USP45: variants seen among roughly 807,000 people sequenced by gnomAD.
USP45 encodes ubiquitin specific peptidase 45, also known as ubiquitin carboxyl-terminal hydrolase 45.
USP45 carries 89 observed loss-of-function variants against 95.8 expected under a neutral mutation model. The observed-to-expected ratio is 0.93, with a 90% CI of 0.78 to 1.11. USP45 has a LOEUF of 1.11. Among genes scored for constraint, USP45 ranks in the 50% least tolerant of loss-of-function variants. USP45 has a pLI of 0.00. For synonymous variants in USP45, 281 were observed against 316.2 expected, an observed-to-expected ratio of 0.89 and a Z score of 1.18; for missense variants, 898 against 942.5, an observed-to-expected ratio of 0.95 and a Z score of 0.62.
intron 4 of USP45, among the ~76,000 whole-genome samples, chr6:99,506,937 G>T (rs924290504): frequency 1.3e-5 from 2 of 152,212 alleles, no homozygotes; most frequent in Non-Finnish European, 2.9e-5. Flanking sequence ...TGGGCGCAGT[G>T]GCTCACGCCT....
At chr6:99,440,695 T>C (rs913258451) in intron 15 of USP45, among the ~76,000 whole-genome samples, 3 of 151,998 alleles carry the variant, frequency 2.0e-5, no homozygotes, top group Admixed American at 1.3e-4. Context: ...AAAAAACCCT[T>C]TTTTTTTGCC....
At chr6:99,482,730 A>G (rs758646704) in intron 8 of USP45, 23 bp downstream of exon 8, 2 of 1,567,614 alleles carry the variant, frequency 1.3e-6, no homozygotes, top group South Asian at 2.4e-5. Context: ...ATAATTATTT[A>G]TATTAAATGT....
chr6:99,474,982 T>G (rs115530882), intron 9 of USP45, among the ~76,000 whole-genome samples: 1 of 152,200 alleles, frequency 6.6e-6, no homozygotes, highest in African/African-American at 2.4e-5. Context: ...CTATTCCTTT[T>G]CTGAGAAATG....
At chr6:99,515,996 C>G (rs896684064), upstream of USP45, among the ~76,000 whole-genome samples, 1 of 152,138 alleles carries the variant, frequency 6.6e-6, no homozygotes, top group African/African-American at 2.4e-5. Flanking sequence ...CCAGGATGGT[C>G]TCGATCTCCT....
Position 99,432,902 on chromosome 6 carries a change from T to C in USP45, c.*2814A>G, listed in dbSNP as rs962893403. The C allele has an allele frequency of 5.2e-5, 8 of 152,668 alleles. No individual in the cohort carries two copies. The highest frequency in any genetic ancestry group is 8.8e-5 in the Non-Finnish European group (6 of 68,038). 9.5% of individuals were successfully genotyped at this position (152,668 alleles called of 1,614,324 possible). On this transcript the variant is annotated 3_prime_UTR_variant, in exon 18 of 18. Coordinates refer to ENST00000500704, the MANE Select transcript of USP45 (RefSeq NM_001346022.3). Reference sequence around the variant, plus strand: ...GATTAAAATCATCACACATGGAAGCTAAGAACTATTAAATACAGTAAAATA... The same window carrying C: ...GATTAAAATCATCACACATGGAAGCCAAGAACTATTAAATACAGTAAAATA...
intron 4 of USP45, among the ~76,000 whole-genome samples, chr6:99,504,377 T>G (rs957961136): frequency 3.3e-5 from 5 of 152,158 alleles, no homozygotes; most frequent in African/African-American, 9.7e-5. Flanking sequence ...TGACCTCAAG[T>G]GATCCACCCG....
intron 15 of USP45, among the ~76,000 whole-genome samples, chr6:99,442,398 G>C (rs568104995): frequency 6.6e-6 from 1 of 152,164 alleles, no homozygotes; most frequent in East Asian, 1.9e-4. Flanking sequence ...AATCTAATCT[G>C]TGGATAGGGA....
intron 13 of USP45, among the ~76,000 whole-genome samples, chr6:99,448,938 C>T (rs372943083): frequency 2.0e-5 from 3 of 152,024 alleles, no homozygotes; most frequent in South Asian, 4.2e-4. Flanking sequence ...CATAAGTGAA[C>T]GAGAAATAAA....
intron 17 of USP45, 40 bp downstream of exon 17, chr6:99,437,206 C>A: frequency 1.3e-6 from 2 of 1,563,244 alleles, no homozygotes; most frequent in South Asian, 1.2e-5. Context: ...AGCACATATT[C>A]GTTTGTTTTT....
At chr6:99,496,588 A>G (rs1461554238) in intron 5 of USP45, among the ~76,000 whole-genome samples, 1 of 152,188 alleles carries the variant, frequency 6.6e-6, no homozygotes, top group Non-Finnish European at 1.5e-5. Context: ...GGTTTAGAAA[A>G]GAACATGGGA....
chr6:99,448,718 T>C (rs977122615), intron 13 of USP45, among the ~76,000 whole-genome samples: 2 of 151,914 alleles, frequency 1.3e-5, no homozygotes, highest in Non-Finnish European at 2.9e-5. Context: ...CCAAAACACA[T>C]AATTGTCAGA....
At chr6:99,506,452 G>A (rs1186816089) in intron 4 of USP45, among the ~76,000 whole-genome samples, 2 of 152,174 alleles carry the variant, frequency 1.3e-5, no homozygotes, top group Non-Finnish European at 2.9e-5. Flanking sequence ...GGGACTACAG[G>A]CGTGCGCCAC....
chr6:99,474,286 C>T (rs547362537), intron 9 of USP45, among the ~76,000 whole-genome samples: 1 of 152,168 alleles, frequency 6.6e-6, no homozygotes, highest in Non-Finnish European at 1.5e-5. Flanking sequence ...CAACCTCCGC[C>T]TCTCGGGTTC....
intron 5 of USP45, among the ~76,000 whole-genome samples, chr6:99,503,334 T>C (rs1797794082): frequency 6.6e-6 from 1 of 151,976 alleles, no homozygotes; most frequent in Admixed American, 6.6e-5. Context: ...TAATTTTTTT[T>C]TTTTTTTCTT....
chr6:99,480,348 C>T (rs190496734), intron 8 of USP45, among the ~76,000 whole-genome samples: 25 of 152,188 alleles, frequency 1.6e-4, no homozygotes, highest in African/African-American at 5.5e-4. Flanking sequence ...AAAACAATCC[C>T]AACTGACAAT....
intron 13 of USP45, among the ~76,000 whole-genome samples, chr6:99,459,333 T>C (rs773014563): frequency 2.6e-5 from 4 of 152,214 alleles, no homozygotes; most frequent in Non-Finnish European, 5.9e-5. Context: ...TTTTTATGGC[T>C]GCATAGTATT....
intron 8 of USP45, among the ~76,000 whole-genome samples, chr6:99,478,289 T>G (rs1478862465): frequency 6.9e-6 from 1 of 145,894 alleles, no homozygotes; most frequent in African/African-American, 2.5e-5. Context: ...ATTTCTAGAC[T>G]CTATGATGGA....
chr6:99,513,098 CA>C (rs1800279627), intron 1 of USP45, among the ~76,000 whole-genome samples: 1 of 152,120 alleles, frequency 6.6e-6, no homozygotes, highest in Admixed American at 6.5e-5. Context: ...TGCCCATGTA[CA>C]AAGAGTGCAG....
chr6:99,514,926 AG>A (rs1800807021), intron 1 of USP45: 1 of 152,268 alleles, frequency 6.6e-6, no homozygotes, highest in African/African-American at 2.4e-5. Context: ...AGTGACTTGC[AG>A]AGGTCCCAAA....
Sources: gnomAD v4.1 joint callset for allele counts (sites outside exome capture counted in the v4.1 genomes callset) on GRCh38, gnomAD v4.1.1 for gene constraint, MANE v1.5 for transcripts, NCBI Gene and HGNC (gene_info 2026-07-23, HGNC 2026-07-21) for gene names.